The following HYCC1 variants were observed in gnomAD, a reference collection of about 807,000 sequenced individuals.
The protein encoded by HYCC1 is hyccin.
chr7:22,966,301 T>C, the HYCC1 span, among the ~76,000 whole-genome samples: 553 of 152,306 alleles, frequency 3.6e-3, 4 homozygotes, highest in African/African-American at 0.013. Context: ...TTTTTTGTTT[T>C]TGTTTTTGAG....
chr7:23,003,557 T>G, the HYCC1 span, among the ~76,000 whole-genome samples: 1 of 152,242 alleles, frequency 6.6e-6, no homozygotes, highest in Non-Finnish European at 1.5e-5. Flanking sequence ...TAACAGCATA[T>G]GGAAATATGG....
the HYCC1 span, among the ~76,000 whole-genome samples, chr7:22,979,757 A>G: frequency 6.6e-6 from 1 of 152,198 alleles, no homozygotes; most frequent in African/African-American, 2.4e-5. Context: ...TGAACACATA[A>G]TTTTAATCAA....
chr7:22,927,584 G>T, the HYCC1 span, among the ~76,000 whole-genome samples: 1 of 152,184 alleles, frequency 6.6e-6, no homozygotes, highest in Non-Finnish European at 1.5e-5. Context: ...AGAAGATCTA[G>T]AAGAAATGGA....
chr7:22,923,712 A>T, the HYCC1 span, among the ~76,000 whole-genome samples: 1 of 152,212 alleles, frequency 6.6e-6, no homozygotes, highest in African/African-American at 2.4e-5. Context: ...AATAGGGGGC[A>T]TTACTACTGG....
At chr7:22,902,083 C>T in the HYCC1 span, among the ~76,000 whole-genome samples, 1 of 152,056 alleles carries the variant, frequency 6.6e-6, no homozygotes, top group East Asian at 1.9e-4. Flanking sequence ...GCATATTGTC[C>T]AACCACAATA....
the HYCC1 span, chr7:23,013,876 G>A: frequency 4.4e-5 from 20 of 455,924 alleles, no homozygotes; most frequent in Middle Eastern, 3.7e-4. Flanking sequence ...AAAGTTATCC[G>A]TTGCCGGACG....
chr7:22,902,861 T>C, the HYCC1 span, among the ~76,000 whole-genome samples: 1 of 152,078 alleles, frequency 6.6e-6, no homozygotes, highest in East Asian at 1.9e-4. Flanking sequence ...ATAAACATAG[T>C]TTCTTAGATA....
At chr7:22,919,487 C>T in the HYCC1 span, among the ~76,000 whole-genome samples, 9 of 152,066 alleles carry the variant, frequency 5.9e-5, no homozygotes, top group Non-Finnish European at 1.3e-4. Flanking sequence ...CGAGATCACA[C>T]CACTGCACTC....
chr7:22,977,556 C>T, the HYCC1 span: 1 of 581,604 alleles, frequency 1.7e-6, no homozygotes, highest in African/African-American at 1.9e-5. Flanking sequence ...AACCTTAAAC[C>T]ATGATAATCC....
chr7:22,955,708 G>A, the HYCC1 span, among the ~76,000 whole-genome samples: 1 of 151,542 alleles, frequency 6.6e-6, no homozygotes, highest in Non-Finnish European at 1.5e-5. Flanking sequence ...ATTTGCTCTA[G>A]AAAAGGAGGA....
At chr7:22,897,501 A>C in the HYCC1 span, among the ~76,000 whole-genome samples, 150 of 152,350 alleles carry the variant, frequency 9.8e-4, no homozygotes, top group African/African-American at 3.5e-3. Context: ...TAGTTCACTA[A>C]TCTATGAGGG....
chr7:22,930,394 A>AAAAAAAAAAAAAAAAAAAAAAAAG, the HYCC1 span, among the ~76,000 whole-genome samples: 2 of 117,498 alleles, frequency 1.7e-5, no homozygotes, highest in African/African-American at 6.5e-5. Context: ...AAAGAAAAAG[A>AAAAAAAAAAAAAAAAAAAAAAAAG]AAAAAAAAAA....
the HYCC1 span, among the ~76,000 whole-genome samples, chr7:22,959,406 T>A: frequency 1.3e-5 from 2 of 152,148 alleles, no homozygotes; most frequent in African/African-American, 4.8e-5. Flanking sequence ...GAACTATTAT[T>A]TTCACCTCAG....
chr7:22,935,428 A>G, the HYCC1 span: 1 of 152,090 alleles, frequency 6.6e-6, no homozygotes, highest in Non-Finnish European at 1.5e-5. Flanking sequence ...ATGCACTTCC[A>G]ATTCACTCTT....
the HYCC1 span, among the ~76,000 whole-genome samples, chr7:22,983,498 T>C: frequency 6.6e-6 from 1 of 152,214 alleles, no homozygotes; most frequent in Non-Finnish European, 1.5e-5. Flanking sequence ...AATATTCTTT[T>C]ACCTTGCCAC....
At chr7:22,968,981 A>G in the HYCC1 span, among the ~76,000 whole-genome samples, 4 of 151,752 alleles carry the variant, frequency 2.6e-5, no homozygotes, top group African/African-American at 9.7e-5. Context: ...GCGAGACTCC[A>G]TCTCAAAAAA....
chr7:22,921,711 TA>T, the HYCC1 span, among the ~76,000 whole-genome samples: 328 of 152,318 alleles, frequency 2.2e-3, 3 homozygotes, highest in South Asian at 0.01. Flanking sequence ...CATAAATTCA[TA>T]TTTTTAAAAA....
chr7:22,933,896 A>G, the HYCC1 span, among the ~76,000 whole-genome samples: 2 of 152,192 alleles, frequency 1.3e-5, no homozygotes, highest in African/African-American at 4.8e-5. Context: ...TAGCTATTAG[A>G]TATGATACAT....
At chr7:22,946,914 T>C in the HYCC1 span, 4 of 1,510,886 alleles carry the variant, frequency 2.6e-6, no homozygotes, top group Admixed American at 2.1e-5. Flanking sequence ...GTGCAACTGC[T>C]GCTTAACATG....
Sources: allele counts gnomAD v4.1 joint callset (sites outside exome capture counted in the v4.1 genomes callset), GRCh38; gene constraint gnomAD v4.1.1; transcripts MANE v1.5; gene names NCBI Gene and HGNC (gene_info 2026-07-23, HGNC 2026-07-21).